The following UST variants were observed in gnomAD, a reference collection of about 807,000 sequenced individuals.
The protein encoded by UST is uronyl 2-sulfotransferase, also known as chondroitin sulfate 2-O-sulfotransferase.
In UST, 21 loss-of-function variants were observed where a neutral mutation model predicts 45.6. The ratio of observed to expected loss-of-function variants is 0.46; its 90% CI spans 0.33 to 0.66. The LOEUF (loss-of-function observed/expected upper bound fraction) is 0.66. UST is among the 30% of genes least tolerant of loss of function. The pLI, the probability that UST is intolerant of heterozygous loss-of-function variation, is 0.02. For missense variants in UST, 463 were observed against 512.4 expected, an observed-to-expected ratio of 0.90 and a Z score of 0.93; for synonymous variants, 215 against 200.6, an observed-to-expected ratio of 1.07 and a Z score of -0.61.
chr6:148,819,857 C>A (rs1175145239), intron 1 of UST, among the ~76,000 whole-genome samples: 3 of 152,050 alleles, frequency 2.0e-5, no homozygotes, highest in Non-Finnish European at 4.4e-5. Flanking sequence ...TAAGAGTAGC[C>A]TTATTATCTA....
intron 5 of UST, among the ~76,000 whole-genome samples, chr6:149,012,496 C>G (rs1038614658): frequency 6.6e-6 from 1 of 152,206 alleles, no homozygotes; most frequent in East Asian, 1.9e-4. Context: ...TCTCCCACTT[C>G]TAACACAGCC....
chr6:148,775,062 T>A (rs1242913480), intron 1 of UST, among the ~76,000 whole-genome samples: 1 of 152,050 alleles, frequency 6.6e-6, no homozygotes, highest in Non-Finnish European at 1.5e-5. Flanking sequence ...GCTTGTTAAT[T>A]CCTCCTTGAC....
intron 5 of UST, chr6:148,992,898 T>G (rs1781383064): frequency 1.4e-6 from 1 of 715,956 alleles, no homozygotes; most frequent in Non-Finnish European, 1.7e-6. Flanking sequence ...TACAGACCTC[T>G]TCTCAGAATG....
intron 7 of UST, 108 bp downstream of exon 7, chr6:149,021,589 A>G (rs1775982701): frequency 3.8e-6 from 5 of 1,319,510 alleles, no homozygotes; most frequent in Non-Finnish European, 5.2e-6. Context: ...TCTTCTGATG[A>G]CAAAGGGCAG....
intron 1 of UST, among the ~76,000 whole-genome samples, chr6:148,801,520 A>G (rs1445142381): frequency 6.6e-6 from 1 of 152,176 alleles, no homozygotes; most frequent in East Asian, 1.9e-4. Context: ...CCCAGAGCCC[A>G]TAATGAGGCC....
chr6:148,830,305 CTAT>C (rs1223422837), intron 1 of UST, among the ~76,000 whole-genome samples: 1 of 152,218 alleles, frequency 6.6e-6, no homozygotes, highest in Non-Finnish European at 1.5e-5. Flanking sequence ...ACTGTATTTT[CTAT>C]TATCCTTTCA....
chr6:148,837,064 A>G (rs1777797262), intron 1 of UST, among the ~76,000 whole-genome samples: 4 of 152,324 alleles, frequency 2.6e-5, no homozygotes, highest in Admixed American at 2.6e-4. Flanking sequence ...ATAGTTCTCA[A>G]ATGATCCCAT....
At chr6:148,906,440 A>G (rs1779362108) in intron 2 of UST, among the ~76,000 whole-genome samples, 1 of 152,198 alleles carries the variant, frequency 6.6e-6, no homozygotes, top group African/African-American at 2.4e-5. Context: ...AAAGTAACTG[A>G]TCTGGGCTTG....
At chr6:148,803,462 C>T (rs1295100145) in intron 1 of UST, among the ~76,000 whole-genome samples, 1 of 152,100 alleles carries the variant, frequency 6.6e-6, no homozygotes, top group Non-Finnish European at 1.5e-5. Context: ...TCTTAAACAC[C>T]TCTTAAGTGT....
At chr6:148,808,507 TG>T (rs1309536240) in intron 1 of UST, among the ~76,000 whole-genome samples, 1 of 151,996 alleles carries the variant, frequency 6.6e-6, no homozygotes. Flanking sequence ...GAGGCTTTCT[TG>T]CCCCACCCCT....
chr6:148,847,108 A>T (rs1246959222), intron 1 of UST, among the ~76,000 whole-genome samples: 1 of 152,226 alleles, frequency 6.6e-6, no homozygotes, highest in African/African-American at 2.4e-5. Context: ...ATCTTTTAGG[A>T]TGATGTTTTA....
At chr6:149,036,491 CTGTCAT>C (rs1255122173) in intron 7 of UST, among the ~76,000 whole-genome samples, 1 of 152,214 alleles carries the variant, frequency 6.6e-6, no homozygotes, top group East Asian at 1.9e-4. Context: ...CATTCCTTCA[CTGTCAT>C]TTTAGAGAAG....
chr6:148,958,136 C>G (rs1438592193), intron 4 of UST, among the ~76,000 whole-genome samples: 1 of 152,164 alleles, frequency 6.6e-6, no homozygotes, highest in Non-Finnish European at 1.5e-5. Flanking sequence ...GAGTCATGTA[C>G]AATGCGATCC....
intron 7 of UST, among the ~76,000 whole-genome samples, chr6:149,035,673 G>T (rs144931131): frequency 2.0e-5 from 3 of 151,962 alleles, no homozygotes; most frequent in Non-Finnish European, 4.4e-5. Context: ...TGGGAGGATC[G>T]CTTGAGCCCC....
chr6:149,058,381 GTGTGTGTA>G (rs1222264111), intron 7 of UST, among the ~76,000 whole-genome samples: 46 of 149,846 alleles, frequency 3.1e-4, no homozygotes, highest in Middle Eastern at 6.8e-3. Flanking sequence ...GTGTGTGTGT[GTGTGTGTA>G]TGTGCGCGCG....
chr6:148,877,536 C>T (rs1175287136), intron 1 of UST, among the ~76,000 whole-genome samples: 1 of 86,118 alleles, frequency 1.2e-5, no homozygotes, highest in Non-Finnish European at 2.2e-5. Flanking sequence ...GGCAGGGGAT[C>T]GTGTTTGAGT....
At chr6:149,010,912 A>AC (rs1775798091) in intron 5 of UST, among the ~76,000 whole-genome samples, 8 of 114,878 alleles carry the variant, frequency 7.0e-5, no homozygotes, top group East Asian at 2.8e-4. Flanking sequence ...AAAAAAAAAA[A>AC]AAAAAAACTG....
chr6:149,047,818 A>G (rs1737694867), intron 7 of UST, among the ~76,000 whole-genome samples: 1 of 152,220 alleles, frequency 6.6e-6, no homozygotes. Flanking sequence ...CTCATCTGGA[A>G]AAAATAAACA....
chr6:148,933,991 C>G (rs1488915565), intron 2 of UST, among the ~76,000 whole-genome samples: 1 of 152,136 alleles, frequency 6.6e-6, no homozygotes, highest in Non-Finnish European at 1.5e-5. Context: ...ATTCCACAAA[C>G]AAGGAAACAC....
Sources: gnomAD v4.1 joint callset for allele counts (sites outside exome capture counted in the v4.1 genomes callset) on GRCh38, gnomAD v4.1.1 for gene constraint, MANE v1.5 for transcripts, NCBI Gene and HGNC (gene_info 2026-07-23, HGNC 2026-07-21) for gene names.